The following PGF variants were observed in gnomAD, a reference collection of about 807,000 sequenced individuals.
PGF encodes placenta growth factor.
Under a neutral mutation model 25.3 loss-of-function variants are expected in PGF, and 11 were observed. The ratio of observed to expected loss-of-function variants is 0.43; its 90% CI spans 0.27 to 0.72. PGF has a LOEUF of 0.72. Among genes scored for constraint, PGF ranks in the 30% least tolerant of loss-of-function variants. The pLI is 0.18. For missense variants in PGF, 230 were observed against 234.9 expected, an observed-to-expected ratio of 0.98 and a Z score of 0.14; for synonymous variants, 105 against 97.9, an observed-to-expected ratio of 1.07 and a Z score of -0.43.
At chr14:74,949,067 C>T (rs1888810012) in intron 3 of PGF, among the ~76,000 whole-genome samples, 1 of 152,210 alleles carries the variant, frequency 6.6e-6, no homozygotes, top group Admixed American at 6.5e-5. Flanking sequence ...GGACCAAATG[C>T]TCCTGGTGTC....
upstream of PGF, chr14:74,955,634 T>A (rs1888974505): frequency 1.2e-5 from 2 of 164,324 alleles, no homozygotes; most frequent in South Asian, 2.0e-4. The surrounding 1 kb of genome is among the most constrained non-coding windows in gnomAD (Gnocchi z 4.1). Context: ...TTTCAGGGAC[T>A]GAGCCGGGGC....
intron 3 of PGF, 22 bp downstream of exon 3, chr14:74,949,335 C>T (rs1209431227): frequency 6.8e-7 from 1 of 1,478,682 alleles, no homozygotes. Flanking sequence ...TCGGTGGCCC[C>T]CTGGGCAGGG....
Position 74,953,848 on chromosome 14 carries a change from G to C in PGF, c.118+56C>G. ...CGCTTCATGCCACACCTGGGCTTGG[G>C]AGAAAGGAAGAGAGGGGCTTGGGGA... On this transcript the variant is annotated intron_variant, in intron 2 of 6. Coordinates refer to ENST00000555567, the MANE Select transcript of PGF (RefSeq NM_002632.6). This position sits in a 1 kb window ranked among gnomAD's most constrained non-coding sequence, Gnocchi z 5.4. The C allele has an allele frequency of 6.4e-7, 1 of 1,568,482 alleles. No homozygotes were observed. Among genetic ancestry groups the C allele is most frequent in the Non-Finnish European group, 8.8e-7 (1 of 1,138,470 alleles).
intron 2 of PGF, among the ~76,000 whole-genome samples, chr14:74,949,838 T>C (rs537250738): frequency 1.2e-3 from 189 of 152,304 alleles, no homozygotes; most frequent in African/African-American, 4.2e-3. Flanking sequence ...GCTTTGAGGA[T>C]TGTAGCCCCG....
chr14:74,946,412 G>A lies in PGF; in HGVS notation c.393-4C>T. ...CTTCATCTTCTCCCGCAGAGGCCTA[G>A]GGAAACAGACAGAGAGAGGGGCAGA... On this transcript the variant is annotated splice_region_variant and splice_polypyrimidine_tract_variant and intron_variant, in intron 4 of 6. Coordinates refer to ENST00000555567, the MANE Select transcript of PGF (RefSeq NM_002632.6). 6.2e-7 allele frequency: 1 copy of A among 1,608,514 alleles called. No homozygotes were observed. The highest frequency in any genetic ancestry group is 8.5e-7 in the Non-Finnish European group (1 of 1,176,676).
At chr14:74,943,498 G>A (rs1022488461) in intron 6 of PGF, among the ~76,000 whole-genome samples, 2 of 152,194 alleles carry the variant, frequency 1.3e-5, no homozygotes, top group Non-Finnish European at 2.9e-5. Flanking sequence ...TCTTAGCAGA[G>A]CACCTTGAGA....
rs1295566386 is a variant in PGF at position 74,946,481 on chromosome 14, C to G, written c.393-73G>C. Reference sequence around the variant, plus strand: ...TAAGTGGGGCTCCCTGCCGCCCGGACAGGTCCCCTCCGACATCCCCAGTCC... The same window carrying G: ...TAAGTGGGGCTCCCTGCCGCCCGGAGAGGTCCCCTCCGACATCCCCAGTCC... On this transcript the variant is annotated intron_variant, in intron 4 of 6. Transcript: ENST00000555567. 5 of 1,453,626 alleles carry G rather than the reference C, an allele frequency of 3.4e-6. No homozygotes were observed. In the East Asian group the frequency reaches 9.2e-5, roughly 27 times the overall value. The allele number at this position is 1,453,626 out of a possible 1,614,324, so 90.0% of individuals were successfully genotyped here.
At chr14:74,954,026 G>A (rs1888929549) in intron 1 of PGF, 80 bp from the exon 2 acceptor site, 1 of 1,459,184 alleles carries the variant, frequency 6.9e-7, no homozygotes, top group Non-Finnish European at 9.5e-7. Context: ...TGGCAAGAAG[G>A]TAGGGGCCCC....
chr14:74,944,141 G>GC (rs1465073524), intron 6 of PGF, among the ~76,000 whole-genome samples: 96 of 117,708 alleles, frequency 8.2e-4, no homozygotes, highest in African/African-American at 3.0e-3. Context: ...GTCTTGCTCT[G>GC]TCCCAGGCTG....
Position 74,953,797 on chromosome 14 carries a change from C to T in PGF, c.118+107G>A. On this transcript the variant is annotated intron_variant, in intron 2 of 6. Coordinates refer to ENST00000555567, the MANE Select transcript of PGF (RefSeq NM_002632.6). The surrounding 1 kb of genome is among the most constrained non-coding windows in gnomAD (Gnocchi z 5.4). ...CCAGCATGTCTAGCTTGTAGGCTCT[C>T]CCCAGCTTTTATCAACCTGCACCCA... is the stretch of plus-strand genomic sequence containing the variant. The T allele has an allele frequency of 1.8e-6, 2 of 1,125,720 alleles. No homozygotes were observed. Among genetic ancestry groups the T allele is most frequent in the Non-Finnish European group, 2.7e-6 (2 of 735,250 alleles). The allele number at this position is 1,125,720 out of a possible 1,614,324, so 69.7% of individuals were successfully genotyped here.
chr14:74,954,026 G>T, intron 1 of PGF, 80 bp from the exon 2 acceptor site: 1 of 1,459,180 alleles, frequency 6.9e-7, no homozygotes, highest in Non-Finnish European at 9.5e-7. Flanking sequence ...TGGCAAGAAG[G>T]TAGGGGCCCC....
chr14:74,949,192 C>T (rs986244830), intron 3 of PGF, among the ~76,000 whole-genome samples, 165 bp downstream of exon 3: 1 of 152,132 alleles, frequency 6.6e-6, no homozygotes, highest in Admixed American at 6.5e-5. Flanking sequence ...TGAGTGGGCT[C>T]AGAGCCATCG....
chr14:74,955,188 G>A lies in PGF; in HGVS notation c.55C>T (p.Leu19=), dbSNP rs909363745. 2 of 1,485,454 alleles carry A rather than the reference G, an allele frequency of 1.3e-6. No homozygotes were observed. Among genetic ancestry groups the A allele is most frequent in the East Asian group, 2.8e-5 (1 of 35,678 alleles). 92.0% of individuals were successfully genotyped at this position (1,485,454 alleles called of 1,614,324 possible). A position where few individuals can be genotyped will look rare whatever the true frequency, so the allele number is the denominator to read the frequency against. ...CTTACCTGGGGGGGCACAGCAGGCAGCGCCAGCCCGGCCAGGAGCTGCAGG... is the reference window on the plus strand; with the variant it reads ...CTTACCTGGGGGGGCACAGCAGGCAACGCCAGCCCGGCCAGGAGCTGCAGG... The part of the protein sequence containing the change: ...CFLQLLAGLA[L]PAVPPQQWAL... Residue 19 remains leucine (L), a synonymous_variant, in exon 1 of 7, where the codon CTG becomes TTG. Coordinates refer to ENST00000555567, the MANE Select transcript of PGF (RefSeq NM_002632.6). The surrounding 1 kb of genome is among the most constrained non-coding windows in gnomAD (Gnocchi z 4.1).
Position 74,953,397 on chromosome 14 carries a change from G to A in PGF, c.118+507C>T, listed in dbSNP as rs1004323913. Among the ~76,000 whole-genome samples, 1 of 152,216 alleles carries A rather than the reference G, an allele frequency of 6.6e-6. No individual in the cohort carries two copies. Among genetic ancestry groups the A allele is most frequent in the Non-Finnish European group, 1.5e-5 (1 of 68,028 alleles). ...TCCCTCTTGATGCAACCAGGGCGGG[G>A]AGTGGAGGGGCCAGGGAGGGCGCGA... is the stretch of plus-strand genomic sequence containing the variant. On this transcript the variant is annotated intron_variant, in intron 2 of 6. Coordinates refer to ENST00000555567, the MANE Select transcript of PGF (RefSeq NM_002632.6). The surrounding 1 kb of genome is among the most constrained non-coding windows in gnomAD (Gnocchi z 5.4).
rs181820738 is a variant in PGF at position 74,953,046 on chromosome 14, G to A, written c.118+858C>T. Among the ~76,000 whole-genome samples, 5 of 152,336 alleles carry A rather than the reference G, an allele frequency of 3.3e-5. No homozygotes were observed. In the East Asian group the frequency reaches 9.7e-4, roughly 29 times the overall value. On this transcript the variant is annotated intron_variant, in intron 2 of 6. Coordinates refer to ENST00000555567, the MANE Select transcript of PGF (RefSeq NM_002632.6). This position sits in a 1 kb window ranked among gnomAD's most constrained non-coding sequence, Gnocchi z 5.4. ...CAAGGGAGGCATCCATGAGGTCAAG[G>A]GCAGCTACCTCCTCTACCTGCTCAG... is the stretch of plus-strand genomic sequence containing the variant.
intron 6 of PGF, 61 bp downstream of exon 6, chr14:74,946,152 G>T: frequency 6.6e-7 from 1 of 1,519,890 alleles, no homozygotes; most frequent in Non-Finnish European, 9.1e-7. Flanking sequence ...AACCCTGGCG[G>T]CAAGGCGGGG....
At chr14:74,943,184 T>C (rs10138685) in intron 6 of PGF, among the ~76,000 whole-genome samples, 2,182 of 152,326 alleles carry the variant, frequency 0.014, 43 homozygotes, top group African/African-American at 0.049. Flanking sequence ...GCCTGAGTAC[T>C]GACGGTTTTA....
chr14:74,954,423 T>C (rs913259419), intron 1 of PGF, among the ~76,000 whole-genome samples: 13 of 151,764 alleles, frequency 8.6e-5, no homozygotes, highest in Non-Finnish European at 1.3e-4. Context: ...GGCAGGCGGG[T>C]GGCTGGGCTG....
Position 74,955,154 on chromosome 14 carries a change from G to T in PGF, c.75+14C>A. Reference sequence around the variant, plus strand: ...GAGGTCTGGGGAGCCAGGCTAGGTGGGGGTAGCTCTTACCTGGGGGGGCAC... The same window carrying T: ...GAGGTCTGGGGAGCCAGGCTAGGTGTGGGTAGCTCTTACCTGGGGGGGCAC... On this transcript the variant is annotated intron_variant, in intron 1 of 6. Transcript: ENST00000555567. The surrounding 1 kb of genome is among the most constrained non-coding windows in gnomAD (Gnocchi z 4.1). 7.0e-7 allele frequency: 1 copy of T among 1,431,640 alleles called. No individual in the cohort carries two copies. Among genetic ancestry groups the T allele is most frequent in the Admixed American group, 2.5e-5 (1 of 39,604 alleles). 88.7% of individuals were successfully genotyped at this position (1,431,640 alleles called of 1,614,324 possible).
Sources: allele counts gnomAD v4.1 joint callset (sites outside exome capture counted in the v4.1 genomes callset), GRCh38; gene constraint gnomAD v4.1.1; non-coding constraint Gnocchi (gnomAD v3.1); transcripts MANE v1.5; gene names NCBI Gene and HGNC (gene_info 2026-07-23, HGNC 2026-07-21).